Variants in TTC27 observed in about 807,000 individuals in gnomAD.
TTC27 encodes tetratricopeptide repeat protein 27.
A neutral mutation model predicts 115.9 loss-of-function variants in TTC27; 79 were observed. The observed-to-expected ratio is 0.68, with a 90% CI of 0.57 to 0.82. The LOEUF (loss-of-function observed/expected upper bound fraction) is 0.82. TTC27 is among the 40% of genes least tolerant of loss of function. The pLI is 0.00. For synonymous variants in TTC27, 401 were observed against 356.0 expected (o/e 1.13, Z -1.42); for missense variants, 1,054 against 993.1 (o/e 1.06, Z -0.82).
rs528887455 is a variant in TTC27 at position 32,817,463 on chromosome 2, T to C, written c.2315T>C (p.Ile772Thr). 7 of 1,613,768 alleles carry C rather than the reference T, an allele frequency of 4.3e-6. No individual in the cohort carries two copies. The South Asian group carries it at 7.7e-5, about 18-fold the overall frequency. The change falls in exon 19 of 20, where the codon ATA becomes ACA. Residue 772 changes from isoleucine (I) to threonine (T), a missense_variant. Ile to Thr is a moderately conservative substitution (Grantham distance 89, BLOSUM62 -1). Transcript: ENST00000317907. The stretch of plus-strand genomic sequence containing the variant: ...CTCCATACTTATCTTCCAGTGGCCA[T>C]AAAATGCAGTAAAAACAAATCCAGT... ...QRALGLAHVA[I>T]KCSKNKSSSQ...
At chr2:32,819,722 G>A (rs1017660251) in intron 19 of TTC27, among the ~76,000 whole-genome samples, 2 of 152,150 alleles carry the variant, frequency 1.3e-5, no homozygotes, top group Admixed American at 1.3e-4. Context: ...CCCTGTCCTT[G>A]TACAGGTTTG....
At chr2:32,766,555 G>A in intron 13 of TTC27, 1 of 390,158 alleles carries the variant, frequency 2.6e-6, no homozygotes, top group Non-Finnish European at 5.3e-6. Context: ...TATCAGTTAA[G>A]TTCACTGTCC....
At chr2:32,694,674 C>CTTTTTTT (rs200028307) in intron 9 of TTC27, among the ~76,000 whole-genome samples, 3 of 135,554 alleles carry the variant, frequency 2.2e-5, no homozygotes, top group Non-Finnish European at 4.7e-5. Context: ...ATTCCTATTT[C>CTTTTTTT]TTTTTTTTTT....
At chr2:32,668,951 C>T (rs1425009871) in intron 7 of TTC27, among the ~76,000 whole-genome samples, 2 of 151,748 alleles carry the variant, frequency 1.3e-5, no homozygotes, top group South Asian at 2.1e-4. Context: ...TGGTGGCAGG[C>T]GCCTGTAGTC....
At chr2:32,635,268 C>T (rs188840604) in intron 3 of TTC27, 16 of 153,100 alleles carry the variant, frequency 1.0e-4, no homozygotes, top group African/African-American at 2.9e-4. Flanking sequence ...TGATTTTGAA[C>T]GTAGCTATCC....
intron 13 of TTC27, among the ~76,000 whole-genome samples, chr2:32,765,220 G>C (rs186891587): frequency 8.5e-4 from 130 of 152,268 alleles, no homozygotes; most frequent in African/African-American, 3.1e-3. Context: ...TGAAAGTCTA[G>C]ATTACTCCTT....
chr2:32,656,102 T>A (rs747321027), intron 5 of TTC27, among the ~76,000 whole-genome samples: 1 of 152,200 alleles, frequency 6.6e-6, no homozygotes, highest in African/African-American at 2.4e-5. Context: ...ATGTCTTTTT[T>A]TTTTAATGAG....
At chr2:32,654,897 T>C (rs942642145) in intron 5 of TTC27, among the ~76,000 whole-genome samples, 1 of 151,904 alleles carries the variant, frequency 6.6e-6, no homozygotes, top group Non-Finnish European at 1.5e-5. Context: ...GGTTTCACCA[T>C]GTTGGCTAGG....
chr2:32,649,109 A>T (rs1248246333), intron 4 of TTC27, among the ~76,000 whole-genome samples: 1 of 152,172 alleles, frequency 6.6e-6, no homozygotes, highest in East Asian at 1.9e-4. Flanking sequence ...GCTGTCCAAT[A>T]TGATGCCAAC....
At chr2:32,638,543 T>G (rs1664514706) in intron 3 of TTC27, among the ~76,000 whole-genome samples, 1 of 151,980 alleles carries the variant, frequency 6.6e-6, no homozygotes, top group South Asian at 2.1e-4. Context: ...TATGCCCGGC[T>G]AATTTTTGTA....
At chr2:32,773,960 A>G (rs1359761782) in intron 13 of TTC27, among the ~76,000 whole-genome samples, 2 of 152,202 alleles carry the variant, frequency 1.3e-5, no homozygotes, top group African/African-American at 4.8e-5. Flanking sequence ...GACACTTGAA[A>G]TGTGACTAGT....
intron 9 of TTC27, among the ~76,000 whole-genome samples, chr2:32,685,015 C>CTTTTTTTTTTTTTTTTTTTTTT (rs70938361): frequency 8.6e-6 from 1 of 116,312 alleles, no homozygotes; most frequent in Non-Finnish European, 1.7e-5. Context: ...TTGCCTTTTC[C>CTTTTTTTTTTTTTTTTTTTTTT]TTTTTTTTTT....
intron 13 of TTC27, chr2:32,766,357 A>T (rs1159093788): frequency 4.6e-6 from 1 of 219,442 alleles, no homozygotes; most frequent in African/African-American, 2.3e-5. Context: ...GTCCCTCATC[A>T]TTTCTAGCTT....
intron 16 of TTC27, among the ~76,000 whole-genome samples, chr2:32,794,958 C>A (rs545756938): frequency 6.6e-6 from 1 of 152,074 alleles, no homozygotes; most frequent in African/African-American, 2.4e-5. Context: ...AATCTCCCAA[C>A]AAAGAAAAGC....
At chr2:32,715,339 C>G (rs1373088349) in intron 10 of TTC27, among the ~76,000 whole-genome samples, 3 of 152,058 alleles carry the variant, frequency 2.0e-5, no homozygotes, top group African/African-American at 7.2e-5. Flanking sequence ...AGTCCTTTCC[C>G]CATTGTTTGT....
At chr2:32,682,844 G>GTTTTTTCTTTTT (rs142030247) in intron 9 of TTC27, among the ~76,000 whole-genome samples, 2 of 56,988 alleles carry the variant, frequency 3.5e-5, no homozygotes, top group African/African-American at 7.5e-5. Flanking sequence ...AATTTTTATT[G>GTTTTTTCTTTTT]TTGTTTTTTT....
chr2:32,681,112 C>T (rs553192894), intron 9 of TTC27, among the ~76,000 whole-genome samples: 4 of 152,204 alleles, frequency 2.6e-5, no homozygotes, highest in East Asian at 1.9e-4. Flanking sequence ...TCCTGAAGAC[C>T]GACCTCTTTT....
chr2:32,802,655 T>C (rs1012844927), intron 16 of TTC27, among the ~76,000 whole-genome samples: 3 of 152,170 alleles, frequency 2.0e-5, no homozygotes, highest in Non-Finnish European at 4.4e-5. Flanking sequence ...TCCTTTCTTC[T>C]CCGTTGGCTT....
At chr2:32,636,416 G>A (rs1664429708) in intron 3 of TTC27, among the ~76,000 whole-genome samples, 1 of 152,132 alleles carries the variant, frequency 6.6e-6, no homozygotes, top group African/African-American at 2.4e-5. Flanking sequence ...GTTTCACCAT[G>A]TTGGCCAGGG....
Sources: gnomAD v4.1 joint callset for allele counts (sites outside exome capture counted in the v4.1 genomes callset) on GRCh38, gnomAD v4.1.1 for gene constraint, MANE v1.5 for transcripts, NCBI Gene and HGNC (gene_info 2026-07-23, HGNC 2026-07-21) for gene names.